The following RNF38 variants were observed in gnomAD, a reference collection of about 807,000 sequenced individuals.
The protein encoded by RNF38 is E3 ubiquitin-protein ligase RNF38.
In RNF38, 15 loss-of-function variants were observed where a neutral mutation model predicts 67.2. That is an observed-to-expected ratio of 0.22 (90% CI 0.15 to 0.34). RNF38 has a LOEUF of 0.34. Among genes scored for constraint, RNF38 ranks in the 10% least tolerant of loss-of-function variants. The pLI is 1.00. For missense variants in RNF38, 524 were observed against 639.9 expected (o/e 0.82, Z 1.95); for synonymous variants, 220 against 218.8 (o/e 1.01, Z -0.05).
At position 36,420,251 on chromosome 9, in the gene RNF38, G is replaced by A. The variant is rs189858951; in HGVS notation, n.312+4362C>T. On this transcript the variant is annotated intron_variant and non_coding_transcript_variant, in intron 2 of 3. Coordinates refer to the RNF38 transcript ENST00000488058. ...CTACCTGGTTAAAAGGACAACCTTC[G>A]GCCGGGCACGGTGGCTCACGCCTGT... 9.5e-4 allele frequency among the ~76,000 whole-genome samples: 145 copies of A among 151,996 alleles called. 2 individuals are homozygous for A. The East Asian group carries it at 0.022, about 23-fold the overall frequency.
chr9:36,350,757 T>G (rs780580343), intron 9 of RNF38, among the ~76,000 whole-genome samples: 1 of 152,228 alleles, frequency 6.6e-6, no homozygotes, highest in South Asian at 2.1e-4. Context: ...TCCTTAAACA[T>G]GTTAAAACAT....
Position 36,347,139 on chromosome 9 carries a change from G to C in RNF38, c.1264-2186C>G, listed in dbSNP as rs866584603. Among the ~76,000 whole-genome samples the C allele has an allele frequency of 4.1e-4, 17 of 40,986 alleles. No individual in the cohort carries two copies. The South Asian group carries it at 8.6e-3, about 21-fold the overall frequency. 26.9% of individuals were successfully genotyped at this position (40,986 alleles called of 152,430 possible). Reference sequence around the variant, plus strand: ...CCATCTCGGGGGGGGGGGGGGGGGGGGGGGGGGGGGAAGTAAATTGCCAAA... The same window carrying C: ...CCATCTCGGGGGGGGGGGGGGGGGGCGGGGGGGGGGAAGTAAATTGCCAAA... On this transcript the variant is annotated intron_variant, in intron 9 of 11. Transcript: ENST00000259605.
intron 4 of RNF38, among the ~76,000 whole-genome samples, chr9:36,366,606 G>C (rs1834986196): frequency 6.6e-6 from 1 of 152,196 alleles, no homozygotes; most frequent in Non-Finnish European, 1.5e-5. Context: ...TATTGATGGT[G>C]TTACCTGTTC....
At chr9:36,359,392 C>T (rs1056298444) in intron 4 of RNF38, among the ~76,000 whole-genome samples, 12 of 151,736 alleles carry the variant, frequency 7.9e-5, no homozygotes, top group African/African-American at 2.7e-4. Context: ...TTCCAAAAGA[C>T]TTATTTTTGT....
intron 8 of RNF38, among the ~76,000 whole-genome samples, chr9:36,352,319 A>G (rs776702334): frequency 6.6e-6 from 1 of 152,006 alleles, no homozygotes; most frequent in Non-Finnish European, 1.5e-5. Flanking sequence ...TAAAAAAAAA[A>G]AACAACAAAC....
chr9:36,448,921 G>A (rs1839372088), intron 1 of RNF38, among the ~76,000 whole-genome samples: 2 of 152,136 alleles, frequency 1.3e-5, no homozygotes, highest in African/African-American at 2.4e-5. Flanking sequence ...TTGAACCAGC[G>A]AGGTGGAGGT....
At chr9:36,461,506 T>A (rs1451340863) in intron 1 of RNF38, among the ~76,000 whole-genome samples, 1 of 152,148 alleles carries the variant, frequency 6.6e-6, no homozygotes, top group African/African-American at 2.4e-5. Context: ...TGCAATGGGA[T>A]GCCACTGAAT....
In RNF38 at chr9:36,414,296, G is replaced by A. The variant is rs535666239; in HGVS notation, n.312+10317C>T. 2.2e-4 allele frequency among the ~76,000 whole-genome samples: 33 copies of A among 152,278 alleles called. 1 individual carries two copies. Among genetic ancestry groups the A allele is most frequent in the African/African-American group, 7.5e-4 (31 of 41,572 alleles). ...CTATTCATCGTTCTCGCTGCTGCCT[G>A]AATATCTTGGTATTTTTTCCTTGTG... On this transcript the variant is annotated intron_variant and non_coding_transcript_variant, in intron 2 of 3. Transcript: ENST00000488058.
Position 36,380,815 on chromosome 9 carries a change from G to T in RNF38, c.163-4688C>A, listed in dbSNP as rs112872296. ...TGGCTAACAAACATGCTTTTAAAAT[G>T]CAGTGCTAAATGCAGGGGAAAAAAG... is the stretch of plus-strand genomic sequence containing the variant. On this transcript the variant is annotated intron_variant, in intron 2 of 11. Coordinates refer to ENST00000259605, the MANE Select transcript of RNF38 (RefSeq NM_022781.5). Among the ~76,000 whole-genome samples the T allele has an allele frequency of 9.8e-5, 15 of 152,288 alleles. No individual in the cohort carries two copies. The South Asian group carries it at 2.5e-3, about 25-fold the overall frequency.
At chr9:36,419,876 T>C (rs1343162062) in intron 2 of RNF38, among the ~76,000 whole-genome samples, 4 of 152,024 alleles carry the variant, frequency 2.6e-5, no homozygotes, top group Non-Finnish European at 5.9e-5. Context: ...AGGGTAGGGA[T>C]GACTTGGCAA....
chr9:36,402,589 A>G (rs1838078655), upstream of RNF38, among the ~76,000 whole-genome samples: 1 of 152,082 alleles, frequency 6.6e-6, no homozygotes, highest in African/African-American at 2.4e-5. Context: ...GAGAGGGGAA[A>G]GGGGAGAAGA....
In RNF38 at chr9:36,468,241, T is replaced by TAAA. The variant is rs201229836; in HGVS notation, n.241+19064_241+19066dup. On this transcript the variant is annotated intron_variant and non_coding_transcript_variant, in intron 1 of 3. Coordinates refer to the RNF38 transcript ENST00000488058. Reference sequence around the variant, plus strand: ...TGCTGGGCAGAGCAATGTTCTGTCTTAAAAAAAAAAAAAAAAAGGCAGAAC... The same window carrying TAAA: ...TGCTGGGCAGAGCAATGTTCTGTCTTAAAAAAAAAAAAAAAAAAAAGGCAGAAC... 6.9e-4 allele frequency among the ~76,000 whole-genome samples: 91 copies of TAAA among 132,664 alleles called. 1 individual carries two copies. Among genetic ancestry groups the TAAA allele is most frequent in the African/African-American group, 2.2e-3 (79 of 35,550 alleles). The allele number at this position is 132,664 out of a possible 152,430, so 87.0% of individuals were successfully genotyped here. A position where few individuals can be genotyped will look rare whatever the true frequency, so the allele number is the denominator to read the frequency against.
chr9:36,364,167 C>T (rs919166937), intron 4 of RNF38, among the ~76,000 whole-genome samples: 1 of 152,084 alleles, frequency 6.6e-6, no homozygotes, highest in African/African-American at 2.4e-5. Context: ...GTGCCTGCCT[C>T]TCCTCCACCA....
chr9:36,367,277 T>C lies in RNF38; in HGVS notation c.570+2442A>G, dbSNP rs1464876504. Among the ~76,000 whole-genome samples, 3 of 152,154 alleles carry C rather than the reference T, an allele frequency of 2.0e-5. No homozygotes were observed. The South Asian group carries it at 6.2e-4, about 31-fold the overall frequency. ...TCTTTTGATGCTTTCAGGATACTTA[T>C]TTTATCTAGCACGCTCGGTTGTCCT... On this transcript the variant is annotated intron_variant, in intron 4 of 11. Transcript: ENST00000259605.
chr9:36,368,777 T>C (rs1835158816), intron 4 of RNF38, among the ~76,000 whole-genome samples: 1 of 152,224 alleles, frequency 6.6e-6, no homozygotes, highest in Non-Finnish European at 1.5e-5. Context: ...ATTGAGATCC[T>C]ATTCTCATTA....
chr9:36,450,568 G>A (rs1839411651), intron 1 of RNF38, among the ~76,000 whole-genome samples: 1 of 152,014 alleles, frequency 6.6e-6, no homozygotes, highest in Non-Finnish European at 1.5e-5. Flanking sequence ...TCAAAATATA[G>A]AACTTGGTGA....
At chr9:36,344,371 A>C (rs2133368413) in intron 10 of RNF38, among the ~76,000 whole-genome samples, 1 of 152,296 alleles carries the variant, frequency 6.6e-6, no homozygotes, top group Admixed American at 6.5e-5. Flanking sequence ...TATATCAATA[A>C]AGCTATTTTT....
At chr9:36,463,983 T>G (rs1056112078) in intron 1 of RNF38, among the ~76,000 whole-genome samples, 1 of 151,454 alleles carries the variant, frequency 6.6e-6, no homozygotes, top group South Asian at 2.1e-4. Flanking sequence ...CTGGCTAACA[T>G]GGTGAAACCC....
At chr9:36,391,766 AC>A (rs1837114192) in intron 1 of RNF38, among the ~76,000 whole-genome samples, 1 of 151,712 alleles carries the variant, frequency 6.6e-6, no homozygotes, top group East Asian at 1.9e-4. Flanking sequence ...GGCGCCCGCC[AC>A]CCCGCCTGGC....
Sources: allele counts gnomAD v4.1 joint callset (sites outside exome capture counted in the v4.1 genomes callset), GRCh38; gene constraint gnomAD v4.1.1; transcripts MANE v1.5; gene names NCBI Gene and HGNC (gene_info 2026-07-23, HGNC 2026-07-21).